Variants in ELMO1 observed in about 807,000 individuals in gnomAD.
The protein encoded by ELMO1 is engulfment and cell motility 1, also known as engulfment and cell motility protein 1.
A neutral mutation model predicts 98.9 loss-of-function variants in ELMO1; 26 were observed. The observed-to-expected ratio is 0.26, with a 90% CI of 0.19 to 0.36. The LOEUF is 0.36. ELMO1 is among the 10% of genes least tolerant of loss of function. The probability of loss-of-function intolerance (pLI) is 1.00; values close to 1 mark genes in which losing one functional copy is unlikely to be tolerated. For synonymous variants in ELMO1, 346 were observed against 346.0 expected (o/e 1.00, Z 0.00); for missense variants, 627 against 935.2 (o/e 0.67, Z 4.30).
intron 1 of ELMO1, among the ~76,000 whole-genome samples, chr7:37,381,775 C>T (rs1235732125): frequency 6.6e-6 from 1 of 152,184 alleles, no homozygotes; most frequent in Non-Finnish European, 1.5e-5. Flanking sequence ...ATTGACCACT[C>T]CCACCATTCC....
At chr7:37,162,079 C>G (rs914556454) in intron 13 of ELMO1, among the ~76,000 whole-genome samples, 2 of 149,344 alleles carry the variant, frequency 1.3e-5, no homozygotes, top group African/African-American at 2.5e-5. Context: ...AAAAAGTGCA[C>G]GGTGGGGGTA....
intron 1 of ELMO1, among the ~76,000 whole-genome samples, chr7:37,364,282 C>T (rs1292618205): frequency 5.3e-5 from 8 of 152,296 alleles, no homozygotes; most frequent in Non-Finnish European, 8.8e-5. Context: ...CACAGGGGAC[C>T]CTCCCATGGT....
intron 16 of ELMO1, among the ~76,000 whole-genome samples, chr7:36,960,898 A>G (rs1562858494): frequency 6.6e-6 from 1 of 152,138 alleles, no homozygotes; most frequent in Non-Finnish European, 1.5e-5. Context: ...CAACATAAGC[A>G]ACCACTTTTC....
intron 16 of ELMO1, among the ~76,000 whole-genome samples, chr7:36,903,828 G>A (rs1278605593): frequency 6.6e-6 from 1 of 152,218 alleles, no homozygotes; most frequent in Admixed American, 6.5e-5. Flanking sequence ...GCTTGTTACT[G>A]CCCACAGTTT....
At chr7:37,180,638 T>A (rs1359925151) in intron 13 of ELMO1, among the ~76,000 whole-genome samples, 5 of 152,208 alleles carry the variant, frequency 3.3e-5, no homozygotes, top group Non-Finnish European at 7.3e-5. Context: ...ATTGTATGAA[T>A]GTTACATTTT....
chr7:37,176,874 C>T (rs1018776693), intron 13 of ELMO1, among the ~76,000 whole-genome samples: 2 of 152,240 alleles, frequency 1.3e-5, no homozygotes, highest in East Asian at 1.9e-4. Flanking sequence ...AGCTTTTAGA[C>T]GACTATATAA....
At chr7:37,030,613 C>T (rs1794828004) in intron 15 of ELMO1, among the ~76,000 whole-genome samples, 1 of 152,270 alleles carries the variant, frequency 6.6e-6, no homozygotes, top group Non-Finnish European at 1.5e-5. Context: ...ATAGTCATTA[C>T]TACCTCACAG....
intron 8 of ELMO1, among the ~76,000 whole-genome samples, chr7:37,227,193 A>G (rs991174036): frequency 2.6e-5 from 4 of 152,168 alleles, no homozygotes; most frequent in Non-Finnish European, 5.9e-5. Flanking sequence ...GAGTATATAC[A>G]AATAACACTG....
At chr7:37,386,475 C>T (rs1219711167) in intron 1 of ELMO1, among the ~76,000 whole-genome samples, 1 of 151,978 alleles carries the variant, frequency 6.6e-6, no homozygotes, top group Non-Finnish European at 1.5e-5. Flanking sequence ...TCACGACAGC[C>T]TTCCTAGGGA....
chr7:37,207,544 C>T (rs1792707284), intron 13 of ELMO1, among the ~76,000 whole-genome samples: 1 of 152,108 alleles, frequency 6.6e-6, no homozygotes, highest in South Asian at 2.1e-4. Flanking sequence ...GAGCGAGACT[C>T]TGTCTCAAAA....
chr7:36,859,271 T>C (rs1309526935), intron 21 of ELMO1, among the ~76,000 whole-genome samples: 3 of 152,232 alleles, frequency 2.0e-5, no homozygotes, highest in African/African-American at 4.8e-5. Context: ...GTTTAATAAA[T>C]AAATACCACA....
chr7:37,350,710 G>A (rs1177392755), intron 1 of ELMO1, among the ~76,000 whole-genome samples: 1 of 152,180 alleles, frequency 6.6e-6, no homozygotes, highest in African/African-American at 2.4e-5. Context: ...CTAACCCCCA[G>A]TAGCTCAGAA....
chr7:37,063,386 G>A (rs1796769927), intron 15 of ELMO1, among the ~76,000 whole-genome samples: 1 of 152,118 alleles, frequency 6.6e-6, no homozygotes. Context: ...TTCAGGTTCA[G>A]TAAGGAATCT....
chr7:37,356,593 G>A (rs1157641919), intron 1 of ELMO1, among the ~76,000 whole-genome samples: 1 of 152,022 alleles, frequency 6.6e-6, no homozygotes, highest in Non-Finnish European at 1.5e-5. Context: ...GACACAGGGA[G>A]GGGAACATCA....
intron 16 of ELMO1, among the ~76,000 whole-genome samples, chr7:36,938,554 T>C (rs1786747078): frequency 6.6e-6 from 1 of 152,240 alleles, no homozygotes; most frequent in Admixed American, 6.5e-5. Context: ...ATTAAAAAGT[T>C]GGTGATTTAA....
chr7:37,222,018 A>G (rs924839088), intron 10 of ELMO1, among the ~76,000 whole-genome samples: 1 of 152,164 alleles, frequency 6.6e-6, no homozygotes, highest in Non-Finnish European at 1.5e-5. Context: ...AGGAGAGGAA[A>G]CAGATGGCTC....
At chr7:36,955,261 C>T (rs1445097520) in intron 16 of ELMO1, among the ~76,000 whole-genome samples, 1 of 152,178 alleles carries the variant, frequency 6.6e-6, no homozygotes, top group African/African-American at 2.4e-5. Context: ...ATACTATCTG[C>T]TTCTACACTA....
At chr7:37,397,896 AG>A (rs1293390408) in intron 1 of ELMO1, among the ~76,000 whole-genome samples, 1 of 152,230 alleles carries the variant, frequency 6.6e-6, no homozygotes, top group African/African-American at 2.4e-5. Flanking sequence ...AAACTAACAC[AG>A]GAACAGAAAA....
intron 1 of ELMO1, among the ~76,000 whole-genome samples, chr7:37,343,424 G>A (rs987602151): frequency 2.0e-5 from 3 of 151,290 alleles, no homozygotes; most frequent in Non-Finnish European, 4.4e-5. Context: ...TGAATGAATC[G>A]TGCTTCTTAC....
Sources: allele counts gnomAD v4.1 joint callset (sites outside exome capture counted in the v4.1 genomes callset), GRCh38; gene constraint gnomAD v4.1.1; transcripts MANE v1.5; gene names NCBI Gene and HGNC (gene_info 2026-07-23, HGNC 2026-07-21).